The following SCHIP1 variants were observed in gnomAD, a reference collection of about 807,000 sequenced individuals.
SCHIP1 encodes schwannomin-interacting protein 1.
SCHIP1 carries 8 observed loss-of-function variants against 29.7 expected under a neutral mutation model. The ratio of observed to expected loss-of-function variants is 0.27; its 90% confidence interval spans 0.16 to 0.49. The LOEUF is 0.49. Among genes scored for constraint, SCHIP1 ranks in the 20% least tolerant of loss-of-function variants. The pLI, the probability that SCHIP1 is intolerant of heterozygous loss-of-function variation, is 0.99. For synonymous variants in SCHIP1, 76 were observed against 94.9 expected (o/e 0.80, Z 1.16); for missense variants, 193 against 294.6 (o/e 0.66, Z 2.52).
the SCHIP1 span, among the ~76,000 whole-genome samples, chr3:159,528,640 G>C: frequency 1.3e-5 from 2 of 152,074 alleles, no homozygotes; most frequent in Non-Finnish European, 2.9e-5. Context: ...ACGTTTTGGA[G>C]AACAGTTCGT....
the SCHIP1 span, among the ~76,000 whole-genome samples, chr3:159,606,673 C>T: frequency 1.3e-5 from 2 of 152,048 alleles, no homozygotes; most frequent in African/African-American, 2.4e-5. Flanking sequence ...CTGAGGGACT[C>T]GAGGAGGAAG....
chr3:159,879,302 C>G (rs1232849878), intron 2 of SCHIP1, among the ~76,000 whole-genome samples: 1 of 150,176 alleles, frequency 6.7e-6, no homozygotes, highest in Non-Finnish European at 1.5e-5. Flanking sequence ...TTTTTTCTAC[C>G]ATTAATGAAT....
the SCHIP1 span, among the ~76,000 whole-genome samples, chr3:159,468,788 A>G: frequency 8.4e-6 from 1 of 118,642 alleles, no homozygotes; most frequent in African/African-American, 3.6e-5. Flanking sequence ...TTTTTTTTAG[A>G]TGGAGTCTCA....
chr3:159,804,081 A>G, the SCHIP1 span, among the ~76,000 whole-genome samples: 1 of 152,236 alleles, frequency 6.6e-6, no homozygotes, highest in Admixed American at 6.5e-5. Flanking sequence ...TGACCTAAGG[A>G]AAGCAGAGAG....
chr3:159,589,780 A>G, the SCHIP1 span, among the ~76,000 whole-genome samples: 2 of 152,136 alleles, frequency 1.3e-5, no homozygotes, highest in African/African-American at 4.8e-5. Context: ...AGAAATGTTT[A>G]TGTTTACTGA....
At chr3:159,881,198 T>G (rs1716403686) in intron 2 of SCHIP1, among the ~76,000 whole-genome samples, 1 of 152,228 alleles carries the variant, frequency 6.6e-6, no homozygotes, top group African/African-American at 2.4e-5. Flanking sequence ...ATGAAATGTG[T>G]TTTTAGATAC....
the SCHIP1 span, among the ~76,000 whole-genome samples, chr3:159,577,824 C>T: frequency 6.6e-6 from 1 of 152,146 alleles, no homozygotes; most frequent in Non-Finnish European, 1.5e-5. Context: ...ATAGAAAATC[C>T]TGGAGTTTCC....
At chr3:159,566,435 G>A in the SCHIP1 span, among the ~76,000 whole-genome samples, 1 of 152,146 alleles carries the variant, frequency 6.6e-6, no homozygotes, top group Non-Finnish European at 1.5e-5. Flanking sequence ...GCCTTTATGA[G>A]TGTAAGTTCA....
the SCHIP1 span, among the ~76,000 whole-genome samples, chr3:159,807,916 T>C: frequency 6.6e-6 from 1 of 152,240 alleles, no homozygotes; most frequent in African/African-American, 2.4e-5. Context: ...AGCTAAGTTA[T>C]GCAGTGTGCC....
chr3:159,787,194 G>A, the SCHIP1 span, among the ~76,000 whole-genome samples: 1 of 152,162 alleles, frequency 6.6e-6, no homozygotes, highest in Admixed American at 6.5e-5. Flanking sequence ...CAACTCCCAG[G>A]TGACTTAATT....
chr3:159,584,185 A>G, the SCHIP1 span, among the ~76,000 whole-genome samples: 1 of 152,044 alleles, frequency 6.6e-6, no homozygotes, highest in Non-Finnish European at 1.5e-5. Context: ...CAGTCAAAAA[A>G]CCCTTTTGTT....
the SCHIP1 span, among the ~76,000 whole-genome samples, chr3:159,541,286 C>A: frequency 6.6e-6 from 1 of 151,986 alleles, no homozygotes; most frequent in Non-Finnish European, 1.5e-5. Context: ...TTTGGAGGCT[C>A]ATAAACTAAA....
the SCHIP1 span, among the ~76,000 whole-genome samples, chr3:159,504,752 C>T: frequency 6.6e-6 from 1 of 152,078 alleles, no homozygotes; most frequent in Non-Finnish European, 1.5e-5. Context: ...GAGTACCAAT[C>T]ATGTGCCAGA....
the SCHIP1 span, among the ~76,000 whole-genome samples, chr3:159,385,744 T>G: frequency 1.3e-5 from 2 of 152,204 alleles, no homozygotes; most frequent in African/African-American, 4.8e-5. Flanking sequence ...GGGATACATG[T>G]GCAGAACGTG....
the SCHIP1 span, among the ~76,000 whole-genome samples, chr3:159,473,124 G>T: frequency 2.0e-5 from 3 of 152,180 alleles, no homozygotes; most frequent in Admixed American, 6.6e-5. Flanking sequence ...TATAACAGTT[G>T]TATGCAAAGC....
At chr3:159,544,516 A>G in the SCHIP1 span, among the ~76,000 whole-genome samples, 1 of 152,078 alleles carries the variant, frequency 6.6e-6, no homozygotes, top group African/African-American at 2.4e-5. Context: ...GTTGCTTAAT[A>G]TCATTGTACA....
chr3:159,509,595 G>A, the SCHIP1 span, among the ~76,000 whole-genome samples: 3 of 152,204 alleles, frequency 2.0e-5, no homozygotes, highest in Non-Finnish European at 4.4e-5. Flanking sequence ...TGTTTTTGCA[G>A]TGGCTGGTAC....
the SCHIP1 span, among the ~76,000 whole-genome samples, chr3:159,427,857 A>G: frequency 6.6e-6 from 1 of 152,092 alleles, no homozygotes; most frequent in African/African-American, 2.4e-5. Flanking sequence ...ATATAGATCA[A>G]TGGAACAGAA....
At chr3:159,688,951 G>A in the SCHIP1 span, among the ~76,000 whole-genome samples, 3 of 152,150 alleles carry the variant, frequency 2.0e-5, no homozygotes, top group Non-Finnish European at 2.9e-5. Context: ...TGTTCCATTG[G>A]TCTATATATC....
Sources: allele counts gnomAD v4.1 joint callset (sites outside exome capture counted in the v4.1 genomes callset), GRCh38; gene constraint gnomAD v4.1.1; transcripts MANE v1.5; gene names NCBI Gene and HGNC (gene_info 2026-07-23, HGNC 2026-07-21).